The following SH2D4B variants were observed in gnomAD, a reference collection of about 807,000 sequenced individuals.
SH2D4B encodes SH2 domain-containing protein 4B.
SH2D4B carries 45 observed loss-of-function variants against 61.5 expected under a neutral mutation model. The observed-to-expected ratio is 0.73, with a 90% CI of 0.58 to 0.94. The LOEUF is 0.94. SH2D4B is among the 40% of genes least tolerant of loss of function. The pLI is 0.00. For missense variants in SH2D4B, 572 were observed against 574.2 expected (o/e 1.00, Z 0.04); for synonymous variants, 224 against 220.4 (o/e 1.02, Z -0.14).
At chr10:80,553,420 T>G (rs1439409588) in intron 1 of SH2D4B, among the ~76,000 whole-genome samples, 2 of 152,178 alleles carry the variant, frequency 1.3e-5, no homozygotes, top group East Asian at 3.9e-4. Context: ...GACAGCAGGG[T>G]CTGGGCTCCT....
chr10:80,591,210 G>A (rs1359269558), intron 4 of SH2D4B, among the ~76,000 whole-genome samples: 1 of 151,934 alleles, frequency 6.6e-6, no homozygotes. Context: ...GAACATTTAT[G>A]TACACGTTTT....
Position 80,614,827 on chromosome 10 carries a change from G to A in SH2D4B, c.988+5276G>A, listed in dbSNP as rs1011161696. Among the ~76,000 whole-genome samples the A allele has an allele frequency of 2.6e-5, 4 of 152,360 alleles. 1 individual carries two copies. The highest frequency in any genetic ancestry group is 2.6e-4 in the Admixed American group (4 of 15,306). On this transcript the variant is annotated intron_variant, in intron 6 of 7. Coordinates refer to ENST00000646907, the MANE Select transcript of SH2D4B (RefSeq NM_001388272.1). ...GGCTGGCCACAGGGTAGGTGCCTGG[G>A]AGTCTGTGGGCTGAGGACTGAGGAT...
intron 6 of SH2D4B, among the ~76,000 whole-genome samples, chr10:80,631,669 T>C (rs1191676102): frequency 6.6e-6 from 1 of 152,224 alleles, no homozygotes; most frequent in Non-Finnish European, 1.5e-5. Context: ...TGGATGAACC[T>C]AGAGGACATT....
intron 6 of SH2D4B, among the ~76,000 whole-genome samples, chr10:80,630,249 C>T (rs1842814953): frequency 6.6e-6 from 1 of 152,158 alleles, no homozygotes; most frequent in African/African-American, 2.4e-5. Flanking sequence ...GGCTCTAGTA[C>T]CCCTGTGCCC....
intron 6 of SH2D4B, among the ~76,000 whole-genome samples, chr10:80,612,530 G>C (rs1379628641): frequency 2.6e-5 from 4 of 152,138 alleles, no homozygotes; most frequent in South Asian, 2.1e-4. Context: ...AGCATGCCAG[G>C]CTCTTGAGCC....
chr10:80,548,203 C>T (rs903163567), intron 1 of SH2D4B, among the ~76,000 whole-genome samples: 17 of 152,294 alleles, frequency 1.1e-4, no homozygotes, highest in African/African-American at 3.1e-4. Flanking sequence ...TTCACTCTGT[C>T]GCCCAGGCTG....
intron 3 of SH2D4B, among the ~76,000 whole-genome samples, chr10:80,587,506 T>A (rs781401003): frequency 1.8e-4 from 28 of 152,210 alleles, no homozygotes; most frequent in Non-Finnish European, 3.4e-4. Flanking sequence ...CTCAAACTTC[T>A]GACCTCAGGT....
In SH2D4B at chr10:80,602,065, C is replaced by T. The variant is rs1842456184; in HGVS notation, c.644-1514C>T. ...GCCTCTAATGGGTTTTGTTCCCTTTCCGGCATTTTCCAGGTCCCAGAACTC... is the reference window on the plus strand; with the variant it reads ...GCCTCTAATGGGTTTTGTTCCCTTTTCGGCATTTTCCAGGTCCCAGAACTC... On this transcript the variant is annotated intron_variant, in intron 4 of 7. Transcript: ENST00000646907. 2.6e-5 allele frequency among the ~76,000 whole-genome samples: 4 copies of T among 152,184 alleles called. No homozygotes were observed. The South Asian group carries it at 8.3e-4, about 32-fold the overall frequency.
chr10:80,621,007 T>C (rs12774388), intron 6 of SH2D4B, among the ~76,000 whole-genome samples: 15,546 of 152,270 alleles, frequency 0.1, 1,724 homozygotes, highest in African/African-American at 0.28. Context: ...AATAAACTCT[T>C]ATGGAAACTA....
intron 1 of SH2D4B, among the ~76,000 whole-genome samples, chr10:80,543,300 G>A (rs1426006017): frequency 1.3e-5 from 2 of 152,282 alleles, no homozygotes; most frequent in African/African-American, 4.8e-5. Flanking sequence ...GGGCCAGCGC[G>A]AGTTCCGGGG....
chr10:80,620,076 A>G (rs1842701624), intron 6 of SH2D4B, among the ~76,000 whole-genome samples: 1 of 152,182 alleles, frequency 6.6e-6, no homozygotes, highest in African/African-American at 2.4e-5. Flanking sequence ...GGTTATACAA[A>G]TCCACACCTT....
At chr10:80,609,001 C>T (rs1024258352) in intron 5 of SH2D4B, among the ~76,000 whole-genome samples, 9 of 152,172 alleles carry the variant, frequency 5.9e-5, no homozygotes, top group African/African-American at 2.2e-4. Flanking sequence ...ATTTACTTTC[C>T]GTCAGGAGCC....
intron 4 of SH2D4B, among the ~76,000 whole-genome samples, chr10:80,593,678 A>T (rs1267894188): frequency 6.6e-6 from 1 of 151,842 alleles, no homozygotes; most frequent in Non-Finnish European, 1.5e-5. Flanking sequence ...TCCAGTTTGG[A>T]TTCCTTCTAT....
intron 1 of SH2D4B, among the ~76,000 whole-genome samples, chr10:80,545,475 C>T (rs551520849): frequency 1.3e-5 from 2 of 151,656 alleles, no homozygotes; most frequent in East Asian, 1.9e-4. Flanking sequence ...TCCTTTTTCT[C>T]CTCCCTCTCT....
intron 1 of SH2D4B, among the ~76,000 whole-genome samples, chr10:80,543,607 C>T (rs1002701894): frequency 4.6e-5 from 7 of 152,208 alleles, no homozygotes; most frequent in African/African-American, 1.4e-4. Context: ...GGGCGCACCG[C>T]GCGGGACTGG....
At chr10:80,595,439 G>A (rs7923028) in intron 4 of SH2D4B, among the ~76,000 whole-genome samples, 20,298 of 152,128 alleles carry the variant, frequency 0.13, 1,800 homozygotes, top group African/African-American at 0.24. Flanking sequence ...CAGCTGGCCC[G>A]GGTGAGGAAA....
At chr10:80,616,720 C>A (rs1176808685) in intron 6 of SH2D4B, among the ~76,000 whole-genome samples, 3 of 152,126 alleles carry the variant, frequency 2.0e-5, no homozygotes, top group Non-Finnish European at 4.4e-5. Flanking sequence ...TGGTGGTTGG[C>A]CTCACCTGTG....
At chr10:80,577,238 C>T (rs1842136656) in intron 3 of SH2D4B, among the ~76,000 whole-genome samples, 1 of 152,242 alleles carries the variant, frequency 6.6e-6, no homozygotes, top group African/African-American at 2.4e-5. Context: ...TGGAGAGGCA[C>T]TGATCCACCA....
intron 6 of SH2D4B, among the ~76,000 whole-genome samples, chr10:80,626,521 A>G (rs139263547): frequency 6.6e-6 from 1 of 152,216 alleles, no homozygotes; most frequent in East Asian, 1.9e-4. Flanking sequence ...CGGATTCTAT[A>G]TATGTTAGAC....
Sources: gnomAD v4.1 joint callset for allele counts (sites outside exome capture counted in the v4.1 genomes callset) on GRCh38, gnomAD v4.1.1 for gene constraint, MANE v1.5 for transcripts, NCBI Gene and HGNC (gene_info 2026-07-23, HGNC 2026-07-21) for gene names.